Variants in RASEF observed in about 807,000 individuals in gnomAD.
RASEF encodes ras and EF-hand domain-containing protein.
A neutral mutation model predicts 90.1 loss-of-function variants in RASEF; 68 were observed. The observed-to-expected ratio is 0.75, with a 90% CI of 0.62 to 0.92. The LOEUF (loss-of-function observed/expected upper bound fraction) is 0.92. Ranked by LOEUF, RASEF falls within the 40% of genes least tolerant of loss-of-function variation. RASEF has a pLI of 0.00. For synonymous variants in RASEF, 331 were observed against 345.2 expected, an observed-to-expected ratio of 0.96 and a Z score of 0.46; for missense variants, 949 against 937.2, an observed-to-expected ratio of 1.01 and a Z score of -0.16.
At chr9:83,026,335 T>G (rs2118578262) in intron 1 of RASEF, among the ~76,000 whole-genome samples, 1 of 152,340 alleles carries the variant, frequency 6.6e-6, no homozygotes, top group East Asian at 1.9e-4. Context: ...ATTTTCACAC[T>G]GCTATAAAGA....
intron 9 of RASEF, among the ~76,000 whole-genome samples, chr9:83,002,172 G>A (rs1041628976): frequency 3.3e-5 from 5 of 152,296 alleles, no homozygotes; most frequent in Admixed American, 6.5e-5. Flanking sequence ...ATTGGAAAGG[G>A]AGAATGGGCA....
At chr9:83,024,244 A>C (rs1829496988) in intron 2 of RASEF, among the ~76,000 whole-genome samples, 1 of 152,218 alleles carries the variant, frequency 6.6e-6, no homozygotes, top group South Asian at 2.1e-4. Context: ...GGATGGGGAC[A>C]CCAACACAGC....
intron 5 of RASEF, among the ~76,000 whole-genome samples, chr9:83,011,166 G>A (rs576795455): frequency 3.9e-4 from 59 of 152,210 alleles, no homozygotes; most frequent in African/African-American, 1.4e-3. Flanking sequence ...CCAAAAAATT[G>A]TAATATGCAA....
intron 1 of RASEF, among the ~76,000 whole-genome samples, chr9:83,057,555 G>C (rs889424883): frequency 6.6e-6 from 1 of 152,090 alleles, no homozygotes; most frequent in Non-Finnish European, 1.5e-5. Context: ...CAGAGACACA[G>C]ATGTTAGGAT....
chr9:83,177,909 A>G, the RASEF span, among the ~76,000 whole-genome samples: 47 of 152,040 alleles, frequency 3.1e-4, no homozygotes, highest in South Asian at 1.2e-3. Flanking sequence ...GGTTGCTGGC[A>G]TGCTTACCGA....
chr9:83,033,056 C>A (rs1211268952), intron 1 of RASEF, among the ~76,000 whole-genome samples: 1 of 152,102 alleles, frequency 6.6e-6, no homozygotes, highest in East Asian at 1.9e-4. Context: ...CTGATTTAAG[C>A]ATTAAAATAG....
At chr9:83,068,215 A>G in the RASEF span, among the ~76,000 whole-genome samples, 4 of 152,354 alleles carry the variant, frequency 2.6e-5, no homozygotes, top group Non-Finnish European at 2.9e-5. Context: ...AATCAAATCT[A>G]ATAAAAATAA....
intron 16 of RASEF, 74 bp downstream of exon 16, chr9:82,990,317 C>A: frequency 1.0e-6 from 1 of 972,382 alleles, no homozygotes; most frequent in Non-Finnish European, 1.7e-6. Context: ...ATTCTATCTG[C>A]ACATTATGGA....
chr9:83,020,427 G>A (rs1316987236), intron 3 of RASEF, among the ~76,000 whole-genome samples: 1 of 152,186 alleles, frequency 6.6e-6, no homozygotes, highest in Non-Finnish European at 1.5e-5. Context: ...AGACTGGCCT[G>A]GGCACATTAT....
At chr9:83,190,884 G>A in the RASEF span, among the ~76,000 whole-genome samples, 1 of 152,158 alleles carries the variant, frequency 6.6e-6, no homozygotes, top group Non-Finnish European at 1.5e-5. Context: ...CCATGCCCAG[G>A]AAATTACCAA....
chr9:83,161,619 T>C, the RASEF span, among the ~76,000 whole-genome samples: 1 of 151,800 alleles, frequency 6.6e-6, no homozygotes, highest in Non-Finnish European at 1.5e-5. Context: ...GTTAAGAATT[T>C]GGGGGACTGT....
the RASEF span, among the ~76,000 whole-genome samples, chr9:83,219,172 G>A: frequency 1.3e-5 from 2 of 152,218 alleles, no homozygotes; most frequent in Non-Finnish European, 2.9e-5. Context: ...TGTCCTGGAC[G>A]AGAATTCCGT....
intron 1 of RASEF, among the ~76,000 whole-genome samples, chr9:83,030,065 TTA>T (rs1207506000): frequency 2.6e-5 from 4 of 152,188 alleles, no homozygotes; most frequent in African/African-American, 9.6e-5. Flanking sequence ...CAGGGTGTCA[TTA>T]AGATACTGTC....
chr9:83,094,617 C>T, the RASEF span, among the ~76,000 whole-genome samples: 1 of 152,022 alleles, frequency 6.6e-6, no homozygotes, highest in Non-Finnish European at 1.5e-5. Context: ...GCCAGGCGTA[C>T]ATAATATCAA....
the RASEF span, among the ~76,000 whole-genome samples, chr9:83,084,135 A>G: frequency 1.1e-4 from 16 of 152,292 alleles, 1 homozygote; most frequent in African/African-American, 3.4e-4. Flanking sequence ...TTGTACTTAC[A>G]GAATGATCCA....
chr9:83,094,413 A>G, the RASEF span, among the ~76,000 whole-genome samples: 6 of 152,058 alleles, frequency 3.9e-5, no homozygotes, highest in Non-Finnish European at 1.5e-5. Flanking sequence ...TATTATTAAA[A>G]TTATTTTCAT....
chr9:83,030,231 C>T (rs1037213395), intron 1 of RASEF, among the ~76,000 whole-genome samples: 1 of 152,060 alleles, frequency 6.6e-6, no homozygotes, highest in Non-Finnish European at 1.5e-5. Flanking sequence ...GTGGTGGGCG[C>T]CTGTAGTCCC....
chr9:83,093,806 C>T, the RASEF span, among the ~76,000 whole-genome samples: 2 of 152,232 alleles, frequency 1.3e-5, no homozygotes, highest in African/African-American at 2.4e-5. Context: ...AGTGGGAGCC[C>T]AGGCAGAGGA....
chr9:83,024,691 T>C (rs1829509613), intron 2 of RASEF, among the ~76,000 whole-genome samples: 1 of 152,208 alleles, frequency 6.6e-6, no homozygotes, highest in African/African-American at 2.4e-5. Flanking sequence ...AGATCAACCT[T>C]GGCTTGACTC....
Sources: gnomAD v4.1 joint callset for allele counts (sites outside exome capture counted in the v4.1 genomes callset) on GRCh38, gnomAD v4.1.1 for gene constraint, MANE v1.5 for transcripts, NCBI Gene and HGNC (gene_info 2026-07-23, HGNC 2026-07-21) for gene names.